Variants in HS6ST3 observed in about 807,000 individuals in gnomAD.
HS6ST3 encodes the protein heparan-sulfate 6-O-sulfotransferase 3.
A neutral mutation model predicts 36.7 loss-of-function variants in HS6ST3; 12 were observed. That is an observed-to-expected ratio of 0.33 (90% CI 0.21 to 0.53). HS6ST3 has a LOEUF of 0.53. Among genes scored for constraint, HS6ST3 ranks in the 20% least tolerant of loss-of-function variants. HS6ST3 has a pLI of 0.95. For synonymous variants in HS6ST3, 240 were observed against 257.5 expected (o/e 0.93, Z 0.65); for missense variants, 584 against 640.9 (o/e 0.91, Z 0.96).
chr13:96,240,848 A>G (rs150804657), intron 1 of HS6ST3, among the ~76,000 whole-genome samples: 1 of 152,384 alleles, frequency 6.6e-6, no homozygotes, highest in Admixed American at 6.5e-5. Flanking sequence ...GCAAGGTAGT[A>G]TGGAGGCTTT....
intron 1 of HS6ST3, among the ~76,000 whole-genome samples, chr13:96,451,198 G>C (rs774105841): frequency 7.9e-5 from 12 of 151,864 alleles, no homozygotes; most frequent in Non-Finnish European, 1.3e-4. Context: ...CAAAGGATGG[G>C]TAGATGGTAG....
chr13:96,404,669 C>T (rs1398018259), intron 1 of HS6ST3, among the ~76,000 whole-genome samples: 1 of 152,134 alleles, frequency 6.6e-6, no homozygotes, highest in African/African-American at 2.4e-5. Flanking sequence ...GGCAAAAGGC[C>T]AATACCTTAA....
intron 1 of HS6ST3, among the ~76,000 whole-genome samples, chr13:96,174,800 A>G (rs1185260724): frequency 2.0e-5 from 3 of 152,126 alleles, no homozygotes; most frequent in Non-Finnish European, 4.4e-5. Context: ...TACAGAATGG[A>G]TCTCTTACTT....
chr13:96,718,758 T>A (rs1875769287), intron 1 of HS6ST3, among the ~76,000 whole-genome samples: 1 of 152,192 alleles, frequency 6.6e-6, no homozygotes, highest in Non-Finnish European at 1.5e-5. Context: ...AATGACAGAA[T>A]GAATTTAAAG....
chr13:96,203,268 G>T (rs2054352368), intron 1 of HS6ST3, among the ~76,000 whole-genome samples: 1 of 152,196 alleles, frequency 6.6e-6, no homozygotes, highest in African/African-American at 2.4e-5. Flanking sequence ...CCAGGTAGAT[G>T]CAATGTCTGG....
chr13:96,335,391 G>T (rs779055077), intron 1 of HS6ST3, among the ~76,000 whole-genome samples: 13 of 152,178 alleles, frequency 8.5e-5, no homozygotes, highest in Non-Finnish European at 1.8e-4. Context: ...ACTGACCTTG[G>T]TGATGAACAG....
intron 1 of HS6ST3, among the ~76,000 whole-genome samples, chr13:96,256,472 T>C (rs1387894467): frequency 6.6e-6 from 1 of 152,240 alleles, no homozygotes; most frequent in East Asian, 1.9e-4. Context: ...GATTAAGTCA[T>C]GTGCTTACAG....
chr13:96,546,792 T>C (rs1287788244), intron 1 of HS6ST3, among the ~76,000 whole-genome samples: 1 of 152,176 alleles, frequency 6.6e-6, no homozygotes, highest in Non-Finnish European at 1.5e-5. Flanking sequence ...CACATTTGCA[T>C]ATTAAAGATT....
intron 1 of HS6ST3, among the ~76,000 whole-genome samples, chr13:96,281,205 C>T (rs1357135895): frequency 1.3e-5 from 2 of 152,092 alleles, no homozygotes; most frequent in African/African-American, 2.4e-5. Flanking sequence ...GGGGTTTTAC[C>T]ATGTTGGCCA....
chr13:96,683,769 G>A (rs1470350407), intron 1 of HS6ST3, among the ~76,000 whole-genome samples: 1 of 151,994 alleles, frequency 6.6e-6, no homozygotes, highest in African/African-American at 2.4e-5. Flanking sequence ...CAAATCCTTA[G>A]TCACATAGCA....
intron 1 of HS6ST3, among the ~76,000 whole-genome samples, chr13:96,231,995 G>A (rs1018043262): frequency 9.9e-5 from 15 of 152,162 alleles, no homozygotes; most frequent in African/African-American, 3.6e-4. Context: ...GTCTGCTTGG[G>A]TATAAGAGGG....
At chr13:96,809,405 C>G (rs866222105) in intron 1 of HS6ST3, among the ~76,000 whole-genome samples, 20 of 152,228 alleles carry the variant, frequency 1.3e-4, no homozygotes, top group South Asian at 4.1e-4. Context: ...ATTTTGTATC[C>G]TGTCTTGTTT....
intron 1 of HS6ST3, among the ~76,000 whole-genome samples, chr13:96,688,168 T>C (rs1874839089): frequency 6.7e-6 from 1 of 149,970 alleles, no homozygotes; most frequent in African/African-American, 2.5e-5. Flanking sequence ...TGTATACATA[T>C]GTAACAAACC....
chr13:96,811,990 GGGGTTGGGGT>G lies in HS6ST3; in HGVS notation c.708-20496_708-20487del, dbSNP rs1263436087. Among the ~76,000 whole-genome samples the G allele has an allele frequency of 3.9e-5, 6 of 152,140 alleles. No individual in the cohort carries two copies. The East Asian group carries it at 9.7e-4, about 24-fold the overall frequency. ...AGAATCAGAGCCTGAGGGATGCCGG[GGGGTTGGGGT>G]GGGATGTATTCTTCACTACACTTTC... On this transcript the variant is annotated intron_variant, in intron 1 of 1. Coordinates refer to ENST00000376705, the MANE Select transcript of HS6ST3 (RefSeq NM_153456.4).
intron 1 of HS6ST3, among the ~76,000 whole-genome samples, chr13:96,501,533 A>G (rs1199014535): frequency 6.6e-6 from 1 of 152,206 alleles, no homozygotes; most frequent in East Asian, 1.9e-4. Flanking sequence ...AACCTACTTC[A>G]TAGGGCAGTT....
At chr13:96,285,848 CTCTT>C (rs910925440) in intron 1 of HS6ST3, among the ~76,000 whole-genome samples, 10 of 152,048 alleles carry the variant, frequency 6.6e-5, no homozygotes, top group African/African-American at 2.2e-4. Context: ...ATATCTATCT[CTCTT>C]CCTTCTGCCT....
chr13:96,310,003 A>G (rs1466508006), intron 1 of HS6ST3, among the ~76,000 whole-genome samples: 1 of 152,160 alleles, frequency 6.6e-6, no homozygotes. Context: ...AATAAAGACA[A>G]GAAAGATGTC....
At chr13:96,306,531 AT>A (rs948064560) in intron 1 of HS6ST3, among the ~76,000 whole-genome samples, 2 of 152,028 alleles carry the variant, frequency 1.3e-5, no homozygotes, top group Admixed American at 6.6e-5. Flanking sequence ...TATCCAAATT[AT>A]TTTTGCTTCA....
intron 1 of HS6ST3, among the ~76,000 whole-genome samples, chr13:96,370,875 G>T (rs1288405258): frequency 6.6e-6 from 1 of 152,146 alleles, no homozygotes. Flanking sequence ...TCCAGCCTGG[G>T]TGACGGAGCG....
Sources: gnomAD v4.1 joint callset for allele counts (sites outside exome capture counted in the v4.1 genomes callset) on GRCh38, gnomAD v4.1.1 for gene constraint, MANE v1.5 for transcripts, NCBI Gene and HGNC (gene_info 2026-07-23, HGNC 2026-07-21) for gene names.